MICU1: variants seen among roughly 807,000 people sequenced by gnomAD.
The protein encoded by MICU1 is mitochondrial calcium uptake 1.
MICU1 carries 45 observed loss-of-function variants against 56.8 expected under a neutral mutation model. The ratio of observed to expected loss-of-function variants is 0.79; its 90% CI spans 0.62 to 1.02. The LOEUF (loss-of-function observed/expected upper bound fraction) is 1.02. Among genes scored for constraint, MICU1 ranks in the 50% least tolerant of loss-of-function variants. The pLI is 0.00. For synonymous variants in MICU1, 186 were observed against 195.1 expected (o/e 0.95, Z 0.39); for missense variants, 504 against 587.1 (o/e 0.86, Z 1.46).
chr10:72,458,878 CAT>C (rs79433319), intron 8 of MICU1, among the ~76,000 whole-genome samples: 1 of 99,120 alleles, frequency 1.0e-5, no homozygotes, highest in Non-Finnish European at 2.1e-5. Flanking sequence ...ACCCAGCTAC[CAT>C]TTTTTTTTTT....
intron 8 of MICU1, among the ~76,000 whole-genome samples, chr10:72,428,288 T>C (rs1184330996): frequency 6.6e-6 from 1 of 152,148 alleles, no homozygotes; most frequent in Non-Finnish European, 1.5e-5. Context: ...CTGCTAGAGC[T>C]TTCTACTTCC....
chr10:72,575,341 T>C (rs905076525), intron 1 of MICU1, among the ~76,000 whole-genome samples: 2 of 152,242 alleles, frequency 1.3e-5, no homozygotes, highest in Non-Finnish European at 2.9e-5. Flanking sequence ...TTTACATTTT[T>C]AATAGCTTTA....
At chr10:72,608,025 G>C (rs1841740243) in intron 1 of MICU1, among the ~76,000 whole-genome samples, 1 of 151,988 alleles carries the variant, frequency 6.6e-6, no homozygotes, top group Non-Finnish European at 1.5e-5. Context: ...AGAAAATTTT[G>C]TTTTTCTTAC....
At chr10:72,376,666 C>T (rs572878040) in intron 10 of MICU1, among the ~76,000 whole-genome samples, 57 of 152,060 alleles carry the variant, frequency 3.7e-4, no homozygotes, top group African/African-American at 1.3e-3. Flanking sequence ...GCCTGATATT[C>T]AATTTATAGA....
chr10:72,586,871 C>A (rs1241672032), intron 1 of MICU1, among the ~76,000 whole-genome samples: 1 of 152,174 alleles, frequency 6.6e-6, no homozygotes, highest in Non-Finnish European at 1.5e-5. Context: ...TCTCTCTCTT[C>A]CATTATTTTC....
At chr10:72,371,634 C>T (rs1189636946) in intron 11 of MICU1, among the ~76,000 whole-genome samples, 1 of 152,064 alleles carries the variant, frequency 6.6e-6, no homozygotes, top group Admixed American at 6.6e-5. Flanking sequence ...ATCCCACCTA[C>T]TTGGGAGGCT....
chr10:72,579,111 C>T (rs368214705), intron 1 of MICU1, among the ~76,000 whole-genome samples: 2 of 152,260 alleles, frequency 1.3e-5, no homozygotes, highest in African/African-American at 4.8e-5. Flanking sequence ...CCTCAGAAAG[C>T]AGTTTAGTAA....
At chr10:72,491,309 C>G (rs2132303931) in intron 6 of MICU1, among the ~76,000 whole-genome samples, 1 of 152,268 alleles carries the variant, frequency 6.6e-6, no homozygotes, top group South Asian at 2.1e-4. Flanking sequence ...TACACATAGC[C>G]TAGAGTTGGA....
intron 8 of MICU1, among the ~76,000 whole-genome samples, chr10:72,442,605 CA>C (rs901409291): frequency 6.6e-6 from 1 of 152,164 alleles, no homozygotes; most frequent in Non-Finnish European, 1.5e-5. Context: ...TTCTTTATGC[CA>C]TTTTCCTTGC....
intron 9 of MICU1, among the ~76,000 whole-genome samples, chr10:72,417,068 C>T (rs983509507): frequency 6.6e-6 from 1 of 152,028 alleles, no homozygotes; most frequent in African/African-American, 2.4e-5. Flanking sequence ...AGTGGCTGAT[C>T]GATAAATATT....
At chr10:72,497,219 C>A (rs932808344) in intron 6 of MICU1, among the ~76,000 whole-genome samples, 1 of 151,504 alleles carries the variant, frequency 6.6e-6, no homozygotes, top group Non-Finnish European at 1.5e-5. Flanking sequence ...GCCACTGCAT[C>A]CGGCTAATTT....
intron 9 of MICU1, among the ~76,000 whole-genome samples, chr10:72,410,354 C>T (rs139176076): frequency 0.03 from 4,589 of 152,220 alleles, 228 homozygotes; most frequent in African/African-American, 0.11. Flanking sequence ...CGGTGGCTCA[C>T]GCCTGTAATC....
chr10:72,504,427 C>T (rs1215084270), intron 6 of MICU1, among the ~76,000 whole-genome samples: 1 of 152,054 alleles, frequency 6.6e-6, no homozygotes, highest in Non-Finnish European at 1.5e-5. Flanking sequence ...TAGCCATATG[C>T]AGAAGAATGA....
intron 5 of MICU1, among the ~76,000 whole-genome samples, chr10:72,527,969 G>A (rs888612973): frequency 3.3e-5 from 5 of 152,100 alleles, no homozygotes; most frequent in African/African-American, 9.7e-5. Flanking sequence ...GGGATTACAG[G>A]TGTGCACCAC....
At chr10:72,536,697 T>C (rs1839646163) in intron 4 of MICU1, among the ~76,000 whole-genome samples, 2 of 152,188 alleles carry the variant, frequency 1.3e-5, no homozygotes, top group Non-Finnish European at 2.9e-5. Context: ...ACAAGTGAAA[T>C]TAATTTTAAT....
chr10:72,458,622 G>A (rs1017314878), intron 8 of MICU1, among the ~76,000 whole-genome samples: 2 of 152,046 alleles, frequency 1.3e-5, no homozygotes, highest in Non-Finnish European at 2.9e-5. Context: ...AGAGATGCCA[G>A]GAAGTATAGG....
At chr10:72,403,365 A>C (rs963471918) in intron 10 of MICU1, among the ~76,000 whole-genome samples, 1 of 151,990 alleles carries the variant, frequency 6.6e-6, no homozygotes, top group Non-Finnish European at 1.5e-5. Context: ...CAAAAAAAAA[A>C]ATTTTTTTTT....
chr10:72,612,567 C>T (rs775122612), intron 1 of MICU1, among the ~76,000 whole-genome samples: 1 of 152,088 alleles, frequency 6.6e-6, no homozygotes, highest in Non-Finnish European at 1.5e-5. Context: ...GTGGCTGAAG[C>T]AGGAGGATCA....
chr10:72,561,988 C>A (rs1840308033), intron 3 of MICU1, among the ~76,000 whole-genome samples: 1 of 152,040 alleles, frequency 6.6e-6, no homozygotes, highest in Non-Finnish European at 1.5e-5. Context: ...TGAATTTTAA[C>A]CTTGACATGC....
Sources: gnomAD v4.1 joint callset for allele counts (sites outside exome capture counted in the v4.1 genomes callset) on GRCh38, gnomAD v4.1.1 for gene constraint, MANE v1.5 for transcripts, NCBI Gene and HGNC (gene_info 2026-07-23, HGNC 2026-07-21) for gene names.